The following ZFHX3 variants were observed in gnomAD, a reference collection of about 807,000 sequenced individuals.
ZFHX3 encodes zinc finger homeobox protein 3.
A neutral mutation model predicts 279.1 loss-of-function variants in ZFHX3; 42 were observed. That is an observed-to-expected ratio of 0.15 (90% CI 0.12 to 0.19). The LOEUF (loss-of-function observed/expected upper bound fraction) is 0.19. ZFHX3 is among the 10% of genes least tolerant of loss of function. The pLI is 1.00. For synonymous variants in ZFHX3, 2,293 were observed against 1,957.8 expected (o/e 1.17, Z -4.52); for missense variants, 4,981 against 4,754.0 (o/e 1.05, Z -1.40).
chr16:72,788,318 CATA>C lies in ZFHX3; in HGVS notation c.9955_9957del (p.Tyr3319del), dbSNP rs766523677. The C allele has an allele frequency of 7.4e-6, 12 of 1,614,112 alleles. No individual in the cohort carries two copies. The highest frequency in any genetic ancestry group is 4.0e-5 in the African/African-American group (3 of 75,020). On this transcript the variant is annotated inframe_deletion, in exon 10 of 10. Transcript: ENST00000268489. ...TGCAGGGCGCCAGGGATCTGGGGAG[CATA>C]ATAAGGAGAAAAGCCTGGTACAAAG... is the stretch of plus-strand genomic sequence containing the variant.
At chr16:73,425,309 G>A (rs528817507) in intron 3 of ZFHX3, among the ~76,000 whole-genome samples, 2 of 152,174 alleles carry the variant, frequency 1.3e-5, no homozygotes, top group Admixed American at 6.5e-5. Flanking sequence ...CAGGTACCCA[G>A]ACAGCTCGGC....
intron 2 of ZFHX3, among the ~76,000 whole-genome samples, chr16:73,675,483 T>C (rs2052945125): frequency 6.6e-6 from 1 of 152,130 alleles, no homozygotes; most frequent in Non-Finnish European, 1.5e-5. Flanking sequence ...GGTTCTAGAA[T>C]GTGTTGGGCT....
chr16:73,582,046 T>C (rs541069115), intron 2 of ZFHX3, among the ~76,000 whole-genome samples: 1 of 151,858 alleles, frequency 6.6e-6, no homozygotes, highest in Non-Finnish European at 1.5e-5. Flanking sequence ...CAAGTTTCCA[T>C]TGAAATAACT....
chr16:73,563,335 TCACACCATTCTCCTGCCTC>T (rs1439858315), intron 2 of ZFHX3, among the ~76,000 whole-genome samples: 32 of 151,486 alleles, frequency 2.1e-4, no homozygotes, highest in Non-Finnish European at 4.3e-4. Flanking sequence ...CCTCCTGGGT[TCACACCATTCTCCTGCCTC>T]CACGCCATTC....
intron 6 of ZFHX3, among the ~76,000 whole-genome samples, chr16:73,142,630 G>C (rs373477442): frequency 1.2e-3 from 182 of 152,342 alleles, no homozygotes; most frequent in Middle Eastern, 6.8e-3. Context: ...AGTGCATGAC[G>C]GGTAGTGTGG....
At chr16:73,607,039 C>T (rs2052194473) in intron 2 of ZFHX3, among the ~76,000 whole-genome samples, 1 of 151,884 alleles carries the variant, frequency 6.6e-6, no homozygotes, top group Non-Finnish European at 1.5e-5. Flanking sequence ...TCTCTCTCTG[C>T]TTTTTTTTGA....
intron 1 of ZFHX3, among the ~76,000 whole-genome samples, chr16:72,994,484 C>T (rs1335285459): frequency 1.3e-5 from 2 of 152,194 alleles, no homozygotes; most frequent in Non-Finnish European, 2.9e-5. Flanking sequence ...ACCAATGGGA[C>T]TTAGAGTGCA....
At chr16:72,943,954 A>T (rs966587051) in intron 3 of ZFHX3, among the ~76,000 whole-genome samples, 1 of 152,238 alleles carries the variant, frequency 6.6e-6, no homozygotes, top group African/African-American at 2.4e-5. Flanking sequence ...AATGATTTTC[A>T]TAAAAAGTAT....
intron 1 of ZFHX3, among the ~76,000 whole-genome samples, chr16:73,714,073 C>T (rs937148638): frequency 1.3e-5 from 2 of 152,140 alleles, no homozygotes; most frequent in African/African-American, 4.8e-5. Context: ...CAGACTCGTA[C>T]TTACTGGCTA....
At chr16:73,131,841 T>G (rs540044096) in intron 6 of ZFHX3, among the ~76,000 whole-genome samples, 2 of 152,312 alleles carry the variant, frequency 1.3e-5, no homozygotes, top group East Asian at 3.9e-4. Flanking sequence ...TTGCATTTTC[T>G]GGGAAATGGG....
chr16:72,948,073 C>T (rs777133886), intron 3 of ZFHX3, among the ~76,000 whole-genome samples: 2 of 152,116 alleles, frequency 1.3e-5, no homozygotes, highest in African/African-American at 2.4e-5. Flanking sequence ...GGGCTGAGGG[C>T]GAGCACTGGA....
At chr16:73,338,195 C>A (rs78843734) in intron 3 of ZFHX3, among the ~76,000 whole-genome samples, 1 of 152,138 alleles carries the variant, frequency 6.6e-6, no homozygotes, top group Non-Finnish European at 1.5e-5. Flanking sequence ...ACAAGTGTCA[C>A]GTGGACCCTC....
intron 3 of ZFHX3, among the ~76,000 whole-genome samples, chr16:73,349,585 T>C (rs2016185799): frequency 6.6e-6 from 1 of 151,672 alleles, no homozygotes; most frequent in African/African-American, 2.4e-5. Context: ...AGCTTGTCTA[T>C]CGCTTTACCT....
rs1189750053 is a variant in ZFHX3 at position 73,113,673 on chromosome 16, T to C, written c.-897+17295A>G. ...TAGAAGAGATATGAGAAAGTGGAAT[T>C]AAACACGGATGGCGGGTCTTGGTTC... is the stretch of plus-strand genomic sequence containing the variant. On this transcript the variant is annotated intron_variant, in intron 7 of 17. Transcript: ENST00000641206. 2.0e-5 allele frequency among the ~76,000 whole-genome samples: 3 copies of C among 152,228 alleles called. No individual in the cohort carries two copies. In the East Asian group the frequency reaches 5.8e-4, roughly 29 times the overall value.
At chr16:73,761,275 CAG>C (rs1443309312) in intron 1 of ZFHX3, among the ~76,000 whole-genome samples, 2 of 151,998 alleles carry the variant, frequency 1.3e-5, no homozygotes, top group Non-Finnish European at 2.9e-5. Flanking sequence ...ATACAGCTAA[CAG>C]GGGAAGTGAA....
chr16:73,852,616 A>AT lies in ZFHX3; in HGVS notation c.-1608+39034dup, dbSNP rs1456605846. ...GACAGAGATGATGGCATTGGTCATG[A>AT]TCACCCTCATAACACAATCTCAGGT... On this transcript the variant is annotated intron_variant, in intron 1 of 17. Transcript: ENST00000641206. Among the ~76,000 whole-genome samples the AT allele has an allele frequency of 2.6e-5, 4 of 152,258 alleles. No individual in the cohort carries two copies. In the East Asian group the frequency reaches 7.7e-4, roughly 29 times the overall value.
At chr16:73,577,188 CT>C (rs2051808888) in intron 2 of ZFHX3, among the ~76,000 whole-genome samples, 1 of 151,826 alleles carries the variant, frequency 6.6e-6, no homozygotes, top group Non-Finnish European at 1.5e-5. Context: ...AAGATGTCTT[CT>C]TAATGATAAA....
At chr16:73,078,582 C>T (rs369222644) in intron 8 of ZFHX3, among the ~76,000 whole-genome samples, 27 of 152,160 alleles carry the variant, frequency 1.8e-4, no homozygotes, top group African/African-American at 4.6e-4. Context: ...CCCAGGTTAC[C>T]CCCAGCCACC....
At chr16:73,420,320 C>A (rs2017692589) in intron 3 of ZFHX3, 1 of 152,138 alleles carries the variant, frequency 6.6e-6, no homozygotes, top group Admixed American at 6.6e-5. Flanking sequence ...AAGCAGAATT[C>A]CTAAAGATTC....
Sources: allele counts gnomAD v4.1 joint callset (sites outside exome capture counted in the v4.1 genomes callset), GRCh38; gene constraint gnomAD v4.1.1; transcripts MANE v1.5; gene names NCBI Gene and HGNC (gene_info 2026-07-23, HGNC 2026-07-21).